Variants in EIF4A2 observed in about 807,000 individuals in gnomAD.
EIF4A2 encodes eukaryotic initiation factor 4A-II.
Under a neutral mutation model 50.6 loss-of-function variants are expected in EIF4A2, and 9 were observed. That is an observed-to-expected ratio of 0.18 (90% confidence interval 0.11 to 0.31). The LOEUF (loss-of-function observed/expected upper bound fraction) is 0.31, where lower values mean the gene tolerates loss of function less well. Among genes scored for constraint, EIF4A2 ranks in the 10% least tolerant of loss-of-function variants. EIF4A2 has a pLI of 1.00. For missense variants in EIF4A2, 182 were observed against 501.8 expected (o/e 0.36, Z 6.09); for synonymous variants, 215 against 164.4 (o/e 1.31, Z -2.35).
chr3:186,785,695 A>G (rs1721660872), intron 4 of EIF4A2, 188 bp from the exon 5 acceptor site: 2 of 640,076 alleles, frequency 3.1e-6, no homozygotes, highest in East Asian at 2.8e-5. Flanking sequence ...TTGACAAGGC[A>G]TAAGAAAGAC....
At chr3:186,787,941 T>A in intron 10 of EIF4A2, 59 bp downstream of exon 10, 1 of 1,551,008 alleles carries the variant, frequency 6.4e-7, no homozygotes, top group South Asian at 1.1e-5. Context: ...CTACTGTGAT[T>A]TGTATGAAAG....
At position 186,783,607 on chromosome 3, in the gene EIF4A2, G is replaced by C. The variant is rs757785640; in HGVS notation, c.-4G>C. 19 of 1,614,036 alleles carry C rather than the reference G, an allele frequency of 1.2e-5. No individual in the cohort carries two copies. The highest frequency in any genetic ancestry group is 1.4e-5 in the Non-Finnish European group (17 of 1,180,038). On this transcript the variant is annotated 5_prime_UTR_variant, in exon 1 of 11. Transcript: ENST00000323963. ...CAGTCGGGCGCTGAGTGGTTTTTCG[G>C]ATCATGTCTGGTGGCTCCGCGGATT...
rs1721585895 is a variant in EIF4A2 at position 186,784,707 on chromosome 3, C to T, written c.208+11C>T. 10 of 1,612,236 alleles carry T rather than the reference C, an allele frequency of 6.2e-6. No individual in the cohort carries two copies. The highest frequency in any genetic ancestry group is 8.5e-6 in the Non-Finnish European group (10 of 1,179,114). ...TTCCCTGTATTAAAGGTAAAAGAAA[C>T]TGGCATTTTTAGGAAATTGTTCTAC... On this transcript the variant is annotated intron_variant, in intron 3 of 10. Coordinates refer to ENST00000323963, the MANE Select transcript of EIF4A2 (RefSeq NM_001967.4).
intron 4 of EIF4A2, 68 bp downstream of exon 4, chr3:186,785,169 GAATTTAA>G (rs1721615326): frequency 1.8e-5 from 28 of 1,591,052 alleles, no homozygotes; most frequent in Admixed American, 3.6e-5. Context: ...CAACTGTGAA[GAATTTAA>G]AACTTAGTAT....
intron 4 of EIF4A2, 150 bp downstream of exon 4, chr3:186,785,251 T>C: frequency 8.4e-7 from 1 of 1,190,624 alleles, no homozygotes; most frequent in Non-Finnish European, 1.2e-6. Flanking sequence ...TGTTGAAAGT[T>C]TTAAAAGAAC....
intron 7 of EIF4A2, 157 bp downstream of exon 7, chr3:186,786,802 C>T: frequency 1.9e-6 from 2 of 1,057,106 alleles, no homozygotes; most frequent in Non-Finnish European, 3.0e-6. Context: ...CTGGGGTGGA[C>T]CTCTTTCTTA....
rs1218153725 is a variant in EIF4A2 at position 186,787,603 on chromosome 3, T to C, written c.999+19T>C. ...CTTGTTGGTAAGTCTCTTAATGCTT[T>C]TTAAAAATCTACCAAAAGTTAGCTT... On this transcript the variant is annotated intron_variant, in intron 9 of 10. Transcript: ENST00000323963. The C allele has an allele frequency of 3.7e-6, 6 of 1,613,790 alleles. No homozygotes were observed. In the Admixed American group the frequency reaches 1.0e-4, roughly 27 times the overall value.
chr3:186,787,699 C>T (rs1202952395), intron 9 of EIF4A2, 104 bp from the exon 10 acceptor site: 3 of 1,579,830 alleles, frequency 1.9e-6, no homozygotes, highest in Non-Finnish European at 2.6e-6. Context: ...CCACACTCCA[C>T]AGTGGGCTAT....
At chr3:186,784,827 T>C (rs1187873281) in intron 3 of EIF4A2, 131 bp downstream of exon 3, 11 of 1,597,120 alleles carry the variant, frequency 6.9e-6, no homozygotes, top group Non-Finnish European at 9.4e-6. Flanking sequence ...CTTTCGGGAC[T>C]GACCTGAAAT....
chr3:186,785,179 C>T, intron 4 of EIF4A2, 78 bp downstream of exon 4: 18 of 1,576,038 alleles, frequency 1.1e-5, no homozygotes, highest in Non-Finnish European at 1.5e-5. Context: ...GAATTTAAAA[C>T]TTAGTATAAA....
At chr3:186,788,519 CTTA>C in intron 10 of EIF4A2, 2 of 995,434 alleles carry the variant, frequency 2.0e-6, no homozygotes, top group Non-Finnish European at 1.3e-6. Flanking sequence ...GGGAACCTTT[CTTA>C]TTAGGTGGTT....
Position 186,789,884 on chromosome 3 carries a change from A to AAAT in EIF4A2, c.*615_*616insAAT. 1 of 830,610 alleles carries AAAT rather than the reference A, an allele frequency of 1.2e-6. No homozygotes were observed. The highest frequency in any genetic ancestry group is 2.3e-4 in the Middle Eastern group (1 of 4,440). 51.5% of individuals were successfully genotyped at this position (830,610 alleles called of 1,614,324 possible). A position where few individuals can be genotyped will look rare whatever the true frequency, so the allele number is the denominator to read the frequency against. On this transcript the variant is annotated 3_prime_UTR_variant, in exon 11 of 11. Coordinates refer to ENST00000323963, the MANE Select transcript of EIF4A2 (RefSeq NM_001967.4). ...GAAGTTTGAATGTTAAATAAATTGT[A>AAAT]TATTCACTTTAAAGGTGCTTTTGGT...
intron 7 of EIF4A2, 77 bp from the exon 8 acceptor site, chr3:186,787,050 G>C: frequency 6.3e-7 from 1 of 1,589,088 alleles, no homozygotes; most frequent in East Asian, 2.2e-5. Flanking sequence ...TAGCACTGTG[G>C]CTGGCCCAGA....
chr3:186,789,107 ATTCT>A lies in EIF4A2; in HGVS notation c.1080-15_1080-12del, dbSNP rs1313847984. The A allele has an allele frequency of 6.2e-7, 1 of 1,610,798 alleles. No homozygotes were observed. The highest frequency in any genetic ancestry group is 1.1e-5 in the South Asian group (1 of 90,670). Reference sequence around the variant, plus strand: ...ACATTATGTGAGAAGTAACGTTCTGATTCTTTTTCTTACACAGAATTGGCAGAGG... The same window carrying A: ...ACATTATGTGAGAAGTAACGTTCTGATTTTCTTACACAGAATTGGCAGAGG... On this transcript the variant is annotated splice_polypyrimidine_tract_variant and intron_variant, in intron 10 of 10. Transcript: ENST00000323963.
At position 186,786,688 on chromosome 3, in the gene EIF4A2, A is replaced by T. The variant is rs572865136; in HGVS notation, c.771+43A>T. ...AGACATTATTTTACCTTCTTGTATAAGCACTGTGCTAAAATTGCAGACACT... is the reference window on the plus strand; with the variant it reads ...AGACATTATTTTACCTTCTTGTATATGCACTGTGCTAAAATTGCAGACACT... On this transcript the variant is annotated intron_variant, in intron 7 of 10. Coordinates refer to ENST00000323963, the MANE Select transcript of EIF4A2 (RefSeq NM_001967.4). 2.5e-6 allele frequency: 4 copies of T among 1,611,326 alleles called. No individual in the cohort carries two copies. The Admixed American group carries it at 5.0e-5, about 20-fold the overall frequency.
In EIF4A2 at chr3:186,788,076, T is replaced by A. The variant is rs903851583; in HGVS notation, c.1079+194T>A. ...GAAAACTTGTAAACATTGCCCAGAT[T>A]GTGGACATAGGGTTTTTTTCCACAA... On this transcript the variant is annotated intron_variant, in intron 10 of 10. Transcript: ENST00000323963. 5 of 735,824 alleles carry A rather than the reference T, an allele frequency of 6.8e-6. 1 individual carries two copies. The highest frequency in any genetic ancestry group is 5.5e-5 in the East Asian group (2 of 36,258). 45.6% of individuals were successfully genotyped at this position (735,824 alleles called of 1,614,324 possible).
At position 186,784,271 on chromosome 3, in the gene EIF4A2, C is replaced by T. The variant is rs1477151019; in HGVS notation, c.30-161C>T. 4 of 1,073,454 alleles carry T rather than the reference C, an allele frequency of 3.7e-6. No homozygotes were observed. In the Admixed American group the frequency reaches 7.4e-5, roughly 20 times the overall value. 66.5% of individuals were successfully genotyped at this position (1,073,454 alleles called of 1,614,324 possible). On this transcript the variant is annotated intron_variant, in intron 1 of 10. Transcript: ENST00000323963. ...TTTCCGGGCATCCGCAGGCCCCAACCTTTAGGGAAGGCGCACAGTGTGGAT... is the reference window on the plus strand; with the variant it reads ...TTTCCGGGCATCCGCAGGCCCCAACTTTTAGGGAAGGCGCACAGTGTGGAT...
In EIF4A2 at chr3:186,789,460, CTTTAGAG is replaced by C. The variant is rs1309540333; in HGVS notation, c.*194_*200del. The C allele has an allele frequency of 3.0e-6, 2 of 668,874 alleles. No homozygotes were observed. Among genetic ancestry groups the C allele is most frequent in the Non-Finnish European group, 4.5e-6 (2 of 440,052 alleles). 41.4% of individuals were successfully genotyped at this position (668,874 alleles called of 1,614,324 possible). A position where few individuals can be genotyped will look rare whatever the true frequency, so the allele number is the denominator to read the frequency against. On this transcript the variant is annotated 3_prime_UTR_variant, in exon 11 of 11. Transcript: ENST00000323963. ...TGAGGAAAGTCATTGGCTTTATCCT[CTTTAGAG>C]TTAGACTGTTGGGGTGGGTATAAAA...
chr3:186,789,876 T>TTC lies in EIF4A2; in HGVS notation c.*607_*608insTC, dbSNP rs1722014149. ...GTCTTAATGAAGTTTGAATGTTAAATAAATTGTATATTCACTTTAAAGGTG... is the reference window on the plus strand; with the variant it reads ...GTCTTAATGAAGTTTGAATGTTAAATTCAAATTGTATATTCACTTTAAAGGTG... On this transcript the variant is annotated 3_prime_UTR_variant, in exon 11 of 11. Transcript: ENST00000323963. The TTC allele has an allele frequency of 1.2e-6, 1 of 806,784 alleles. No homozygotes were observed. The highest frequency in any genetic ancestry group is 2.0e-6 in the Non-Finnish European group (1 of 503,422). The allele number at this position is 806,784 out of a possible 1,614,324, so 50.0% of individuals were successfully genotyped here. A position where few individuals can be genotyped will look rare whatever the true frequency, so the allele number is the denominator to read the frequency against.
Sources: gnomAD v4.1 joint callset for allele counts on GRCh38, gnomAD v4.1.1 for gene constraint, MANE v1.5 for transcripts, NCBI Gene and HGNC (gene_info 2026-07-23, HGNC 2026-07-21) for gene names.